Variants in ZFAND4 observed in about 807,000 individuals in gnomAD.
ZFAND4 encodes the protein AN1-type zinc finger protein 4.
In ZFAND4, 43 loss-of-function variants were observed where a neutral mutation model predicts 64.4. That is an observed-to-expected ratio of 0.67 (90% confidence interval 0.52 to 0.86). The LOEUF is 0.86. Among genes scored for constraint, ZFAND4 ranks in the 40% least tolerant of loss-of-function variants. ZFAND4 has a pLI of 0.00. For synonymous variants in ZFAND4, 296 were observed against 305.7 expected, an observed-to-expected ratio of 0.97 and a Z score of 0.33; for missense variants, 929 against 859.8, an observed-to-expected ratio of 1.08 and a Z score of -1.01.
At chr10:45,660,449 T>G (rs1187457682) in intron 2 of ZFAND4, among the ~76,000 whole-genome samples, 1 of 152,090 alleles carries the variant, frequency 6.6e-6, no homozygotes, top group Non-Finnish European at 1.5e-5. Flanking sequence ...TTGTGGCAAT[T>G]TCAAAAGGTG....
At chr10:45,644,464 T>C (rs2047235414) in intron 5 of ZFAND4, among the ~76,000 whole-genome samples, 1 of 152,184 alleles carries the variant, frequency 6.6e-6, no homozygotes, top group Admixed American at 6.5e-5. Context: ...CAGCAGAATT[T>C]CTTTACACAA....
chr10:45,649,126 T>G (rs1332396225), intron 4 of ZFAND4: 2 of 149,928 alleles, frequency 1.3e-5, no homozygotes, highest in South Asian at 2.2e-4. Flanking sequence ...AAAAATTAGC[T>G]GGGCATGGTG....
intron 8 of ZFAND4, among the ~76,000 whole-genome samples, chr10:45,619,134 G>A (rs1403700207): frequency 6.6e-6 from 1 of 151,880 alleles, no homozygotes; most frequent in Non-Finnish European, 1.5e-5. Flanking sequence ...TGTGTCTTGG[G>A]TTCAAGTGGT....
intron 2 of ZFAND4, among the ~76,000 whole-genome samples, chr10:45,663,002 A>G (rs2133853289): frequency 6.6e-6 from 1 of 152,318 alleles, no homozygotes; most frequent in East Asian, 1.9e-4. Context: ...CTTTCTGCAA[A>G]TATACAAACC....
chr10:45,635,924 A>G (rs2046567125), intron 6 of ZFAND4, among the ~76,000 whole-genome samples: 1 of 152,210 alleles, frequency 6.6e-6, no homozygotes, highest in South Asian at 2.1e-4. Flanking sequence ...TTAATGGTAG[A>G]ATCTAGATAT....
chr10:45,661,268 T>C (rs1011609053), intron 2 of ZFAND4, among the ~76,000 whole-genome samples: 2 of 152,192 alleles, frequency 1.3e-5, no homozygotes, highest in Non-Finnish European at 2.9e-5. Flanking sequence ...GGGCAGCCAG[T>C]AATCTGAAGC....
Position 45,626,806 on chromosome 10 carries a change from A to T in ZFAND4, c.1017T>A (p.Pro339=). 6.2e-7 allele frequency: 1 copy of T among 1,614,214 alleles called. No individual in the cohort carries two copies. The highest frequency in any genetic ancestry group is 1.1e-5 in the South Asian group (1 of 91,082). The change falls in exon 7 of 10, where the codon CCT becomes CCA. Residue 339 remains proline (P), a synonymous_variant. Transcript: ENST00000344646. ...TTCCCAACTCCAAATGGGGTATCTG[A>T]GGAGGTAGTTTGACGTTGCTACTGA... The part of the protein sequence containing the change: ...SHFSSNVKLP[P]QIPHLELGND...
At chr10:45,645,941 T>G (rs1329923615) in intron 5 of ZFAND4, among the ~76,000 whole-genome samples, 1 of 152,096 alleles carries the variant, frequency 6.6e-6, no homozygotes, top group Non-Finnish European at 1.5e-5. Flanking sequence ...TAAAAGCATG[T>G]GCTCATGGAC....
chr10:45,658,693 A>G (rs2048289523), intron 2 of ZFAND4, among the ~76,000 whole-genome samples: 1 of 152,238 alleles, frequency 6.6e-6, no homozygotes, highest in Non-Finnish European at 1.5e-5. Flanking sequence ...ATAATTTTTT[A>G]AACAAAAAAA....
chr10:45,625,919 C>T (rs2045781784), intron 7 of ZFAND4, 32 bp downstream of exon 7: 2 of 1,593,062 alleles, frequency 1.3e-6, no homozygotes, highest in Non-Finnish European at 1.7e-6. Context: ...ACAAGGATAA[C>T]TACTAGAGCA....
At chr10:45,629,713 A>G (rs2046076904) in intron 6 of ZFAND4, among the ~76,000 whole-genome samples, 1 of 152,140 alleles carries the variant, frequency 6.6e-6, no homozygotes, top group South Asian at 2.1e-4. Flanking sequence ...ATACAAAAAA[A>G]TTAGCTGGGC....
chr10:45,653,142 G>A (rs1311356359), intron 2 of ZFAND4, 83 bp from the exon 3 acceptor site: 3 of 1,026,108 alleles, frequency 2.9e-6, no homozygotes, highest in East Asian at 5.0e-5. Context: ...ATTTCATTAA[G>A]GAACTAAGAG....
At chr10:45,642,476 G>A (rs1233552548) in intron 5 of ZFAND4, among the ~76,000 whole-genome samples, 5 of 151,508 alleles carry the variant, frequency 3.3e-5, no homozygotes, top group Admixed American at 1.3e-4. Context: ...GCGTGGTGGC[G>A]GGTGCCTGTA....
At chr10:45,623,124 G>A (rs2045553274) in intron 8 of ZFAND4, among the ~76,000 whole-genome samples, 1 of 152,146 alleles carries the variant, frequency 6.6e-6, no homozygotes, top group Non-Finnish European at 1.5e-5. Flanking sequence ...AATAACAAGT[G>A]TTGCCAAGGA....
Position 45,626,260 on chromosome 10 carries a change from A to G in ZFAND4, c.1563T>C (p.Ser521=). ...TAACACCTTGAAAGCAAGTAGTCCT[A>G]GAGAAAGAAGAATCAGTTATGTTTT... ...DVQNITDSSF[S]RTTCFQGVKV... The change falls in exon 7 of 10, where the codon TCT becomes TCC. Residue 521 remains serine, a synonymous_variant. Transcript: ENST00000344646. 1.2e-6 allele frequency: 2 copies of G among 1,614,216 alleles called. No individual in the cohort carries two copies. The highest frequency in any genetic ancestry group is 1.7e-6 in the Non-Finnish European group (2 of 1,180,042).
intron 1 of ZFAND4, among the ~76,000 whole-genome samples, chr10:45,669,861 G>A (rs1176840864): frequency 6.6e-6 from 1 of 152,110 alleles, no homozygotes; most frequent in Non-Finnish European, 1.5e-5. Flanking sequence ...TAATAAACTA[G>A]GTATTGATGG....
intron 5 of ZFAND4, among the ~76,000 whole-genome samples, chr10:45,647,290 T>C (rs1271780007): frequency 6.6e-6 from 1 of 152,156 alleles, no homozygotes; most frequent in Non-Finnish European, 1.5e-5. Flanking sequence ...ACTCTGTAAG[T>C]AGATTCTCCT....
Position 45,626,736 on chromosome 10 carries a change from G to A in ZFAND4, c.1087C>T (p.Leu363=). The A allele has an allele frequency of 6.2e-7, 1 of 1,614,214 alleles. No individual in the cohort carries two copies. The highest frequency in any genetic ancestry group is 8.5e-7 in the Non-Finnish European group (1 of 1,180,044). Residue 363 remains leucine, a synonymous_variant, in exon 7 of 10, where the codon CTG becomes TTG. Coordinates refer to ENST00000344646, the MANE Select transcript of ZFAND4 (RefSeq NM_174890.4). ...ADSVLHLGSS[L]PRQTKHFLGN... is the part of the protein sequence containing the mutation. ...AAAAAATGTTTTGTTTGCCTAGGCA[G>A]GGATGATCCAAGATGGAGAACAGAG...
At chr10:45,628,863 C>A (rs2046012932) in intron 6 of ZFAND4, among the ~76,000 whole-genome samples, 1 of 108,398 alleles carries the variant, frequency 9.2e-6, no homozygotes, top group South Asian at 2.8e-4. Flanking sequence ...TGGTGACAGA[C>A]AGGCAAAAGT....
Sources: allele counts gnomAD v4.1 joint callset (sites outside exome capture counted in the v4.1 genomes callset), GRCh38; gene constraint gnomAD v4.1.1; transcripts MANE v1.5; gene names NCBI Gene and HGNC (gene_info 2026-07-23, HGNC 2026-07-21).